The following ADAMTS7 variants were observed in gnomAD, a reference collection of about 807,000 sequenced individuals.
ADAMTS7 encodes ADAM metallopeptidase with thrombospondin type 1 motif 7.
In ADAMTS7, 89 loss-of-function variants were observed where a neutral mutation model predicts 172.6. The ratio of observed to expected loss-of-function variants is 0.52; its 90% CI spans 0.43 to 0.61. The LOEUF (loss-of-function observed/expected upper bound fraction) is 0.61. Among genes scored for constraint, ADAMTS7 ranks in the 20% least tolerant of loss-of-function variants. The pLI is 0.00. For missense variants in ADAMTS7, 1,973 were observed against 2,355.6 expected, an observed-to-expected ratio of 0.84 and a Z score of 3.36; for synonymous variants, 885 against 978.4, an observed-to-expected ratio of 0.90 and a Z score of 1.78.
chr15:78,789,657 T>A (rs757518426), intron 7 of ADAMTS7, 32 bp downstream of exon 7: 11 of 1,611,542 alleles, frequency 6.8e-6, no homozygotes, highest in Non-Finnish European at 9.3e-6. Context: ...GAAGCTCGGC[T>A]CTCAGTGTAG....
In ADAMTS7 at chr15:78,777,476, C is replaced by T. The variant is rs773289537; in HGVS notation, c.1435G>A (p.Gly479Arg). ...TCCTCGCAGAAGGCAGAGTAGGCCCCGTACTGGAGGCGGCACTGGTGGCTT... is the reference window on the plus strand; with the variant it reads ...TCCTCGCAGAAGGCAGAGTAGGCCCTGTACTGGAGGCGGCACTGGTGGCTT... ...DVSHQCRLQY[G>R]AYSAFCEDMD... is the part of the protein sequence containing the mutation. Residue 479 changes from glycine to arginine, a missense_variant, in exon 9 of 24, where the codon GGG becomes AGG. Physicochemically the swap from Gly to Arg is moderately radical, Grantham distance 125 (BLOSUM62 -2). Transcript: ENST00000388820. The T allele has an allele frequency of 6.2e-6, 10 of 1,612,900 alleles. No individual in the cohort carries two copies. The highest frequency in any genetic ancestry group is 5.5e-5 in the South Asian group (5 of 90,782).
intron 4 of ADAMTS7, among the ~76,000 whole-genome samples, chr15:78,792,180 G>A (rs902072914): frequency 2.0e-5 from 3 of 152,214 alleles, no homozygotes; most frequent in Non-Finnish European, 2.9e-5. Context: ...CAGAAATGGG[G>A]AAGATAAACA....
In ADAMTS7 at chr15:78,800,672, C is replaced by T; in HGVS notation, c.101-125G>A. 1.4e-5 allele frequency: 12 copies of T among 852,958 alleles called. No homozygotes were observed. In the South Asian group the frequency reaches 1.8e-4, roughly 13 times the overall value. The allele number at this position is 852,958 out of a possible 1,614,324, so 52.8% of individuals were successfully genotyped here. A position where few individuals can be genotyped will look rare whatever the true frequency, so the allele number is the denominator to read the frequency against. ...GTCAGAGTATCTGGATTCAAATCCT[C>T]GCCGGGCTATCTACTAACTCTGCTA... On this transcript the variant is annotated intron_variant, in intron 1 of 23. Transcript: ENST00000388820.
At position 78,763,940 on chromosome 15, in the gene ADAMTS7, A is replaced by C. The variant is rs1489288701; in HGVS notation, c.4579T>G (p.Ser1527Ala). 2 of 1,548,668 alleles carry C rather than the reference A, an allele frequency of 1.3e-6. No individual in the cohort carries two copies. Among genetic ancestry groups the C allele is most frequent in the Non-Finnish European group, 1.7e-6 (2 of 1,145,894 alleles). ...CCAGGCCTCACCTCCCTCCAGGAAG[A>C]TGTGTACCAGCTGAGGCAGGGCTGG... ...GAQPCLSWYTSSWRECSEACG... is the reference protein window; with the variant it reads ...GAQPCLSWYTASWRECSEACG... The change falls in exon 21 of 24, where the codon TCT becomes GCT. Residue 1527 changes from serine (S) to alanine (A), a missense_variant. Physicochemically the swap from Ser to Ala is moderately conservative, Grantham distance 99. Around this residue, in one of 8 missense-constraint regions of ADAMTS7, gnomAD observed 218 missense variants for 216.9 expected, o/e 1.01. Transcript: ENST00000388820.
At position 78,800,296 on chromosome 15, in the gene ADAMTS7, G is replaced by T. The variant is rs773692249; in HGVS notation, c.352C>A (p.Arg118Ser). 4 of 1,588,042 alleles carry T rather than the reference G, an allele frequency of 2.5e-6. No individual in the cohort carries two copies. The highest frequency in any genetic ancestry group is 3.4e-6 in the Non-Finnish European group (4 of 1,172,754). Reference sequence around the variant, plus strand: ...GGGGTGTGGGCCCGGATGTGCGCGCGGCCCAGGCCGCCGCGCCGCCGCGTC... The same window carrying T: ...GGGGTGTGGGCCCGGATGTGCGCGCTGCCCAGGCCGCCGCGCCGCCGCGTC... ...SETRRRGGLG[R>S]AHIRAHTPAC... The change falls in exon 2 of 24, where the codon CGC (arginine) becomes AGC (serine). Residue 118 changes from arginine to serine, a missense_variant. By Grantham distance (110) the Arg-to-Ser change is moderately radical. This residue lies in a region of ADAMTS7 where 306 missense variants were observed against 288.0 expected (regional missense o/e 1.06). Transcript: ENST00000388820.
chr15:78,771,175 G>A lies in ADAMTS7; in HGVS notation c.2505C>T (p.Val835=). 6.2e-7 allele frequency: 1 copy of A among 1,609,744 alleles called. No homozygotes were observed. Among genetic ancestry groups the A allele is most frequent in the Non-Finnish European group, 8.5e-7 (1 of 1,178,664 alleles). Residue 835 remains valine (V), a synonymous_variant, in exon 16 of 24, where the codon GTC becomes GTT. Transcript: ENST00000388820. This position sits in a 1 kb window ranked among gnomAD's most constrained non-coding sequence, Gnocchi z 4.9. ...WHYGPWTKCT[V]TCGRGVQRQN... is the part of the protein sequence containing the mutation. The stretch of plus-strand genomic sequence containing the variant: ...CCCACTTCTCACCTCTGCCGCAGGT[G>A]ACTGTGCACTTGGTCCAGGGCCCAT...
At chr15:78,794,181 G>C (rs1001789361) in intron 4 of ADAMTS7, among the ~76,000 whole-genome samples, 3 of 152,238 alleles carry the variant, frequency 2.0e-5, no homozygotes, top group Non-Finnish European at 4.4e-5. Flanking sequence ...GGAGGTTGCA[G>C]TGAGCCGAGA....
chr15:78,768,237 G>C lies in ADAMTS7; in HGVS notation c.2541C>G (p.Tyr847Ter). 6.2e-7 allele frequency: 1 copy of C among 1,610,838 alleles called. No homozygotes were observed. The highest frequency in any genetic ancestry group is 1.1e-5 in the South Asian group (1 of 90,948). Reference sequence around the variant, plus strand: ...CGGGCCCTGCCTGCCGCTCCAAGCAGTACACATTCTGCCTCTGCACACCTA... The same window carrying C: ...CGGGCCCTGCCTGCCGCTCCAAGCACTACACATTCTGCCTCTGCACACCTA... The part of the protein sequence containing the change: ...CGRGVQRQNV[Y>*]CLERQAGPVD... The change falls in exon 17 of 24, where the codon TAC becomes TAG. Residue 847 changes from tyrosine to a stop codon, truncating the protein, a stop_gained. Transcript: ENST00000388820. LOFTEE classifies it high-confidence loss of function.
In ADAMTS7 at chr15:78,788,235, G is replaced by A. The variant is rs748260859; in HGVS notation, c.1318C>T (p.Leu440Phe). 2 of 1,613,606 alleles carry A rather than the reference G, an allele frequency of 1.2e-6. No individual in the cohort carries two copies. Among genetic ancestry groups the A allele is most frequent in the South Asian group, 1.1e-5 (1 of 91,046 alleles). The change falls in exon 8 of 24, where the codon CTT becomes TTT. Residue 440 changes from leucine to phenylalanine, a missense_variant. Transcript: ENST00000388820. The stretch of plus-strand genomic sequence containing the variant: ...GCCCAGGGCTGGGGGACTTACTCAA[G>A]GAACCTGGTGATATACTGGCGGCTG... ...RCSRQYITRF[L>F]DRGWGLCLDD...
intron 23 of ADAMTS7, among the ~76,000 whole-genome samples, chr15:78,760,961 G>A (rs556959066): frequency 6.6e-6 from 1 of 152,212 alleles, no homozygotes; most frequent in South Asian, 2.1e-4. Context: ...TGCCCCATCT[G>A]GTCCTCCCCC....
At position 78,767,505 on chromosome 15, in the gene ADAMTS7, C is replaced by T. The variant is rs1212828295; in HGVS notation, c.2733G>A (p.Val911=). 1 of 1,609,136 alleles carries T rather than the reference C, an allele frequency of 6.2e-7. No homozygotes were observed. Among genetic ancestry groups the T allele is most frequent in the Admixed American group, 1.7e-5 (1 of 59,650 alleles). ...CCAGGGCGCTCTGCTCATCCAGCCC[C>T]ACGCTGCGGATGCAGAGCACGGCCC... ...SRRAVLCIRS[V]GLDEQSALEP... is the part of the protein sequence containing the mutation. Residue 911 remains valine (V), a synonymous_variant, in exon 18 of 24, where the codon GTG becomes GTA. Transcript: ENST00000388820.
At chr15:78,778,096 A>C (rs12907764) in intron 8 of ADAMTS7, among the ~76,000 whole-genome samples, 1 of 151,788 alleles carries the variant, frequency 6.6e-6, no homozygotes, top group Admixed American at 6.6e-5. Context: ...GCCCAGGGCA[A>C]CCATGCCTGT....
At chr15:78,783,362 C>T (rs1287854940) in intron 8 of ADAMTS7, among the ~76,000 whole-genome samples, 2 of 152,168 alleles carry the variant, frequency 1.3e-5, no homozygotes, top group Non-Finnish European at 1.5e-5. Flanking sequence ...CTCTGCCTCC[C>T]GGGTTCAAGC....
chr15:78,798,014 G>A lies in ADAMTS7; in HGVS notation c.556C>T (p.Arg186Cys), dbSNP rs758619417. ...GHAQPHVVYK[R>C]QAPERLAQRG... ...TGTGCCAGCCTCTCCGGGGCCTGAC[G>A]CTTGTACACCACATGGGGCTGGGCG... is the stretch of plus-strand genomic sequence containing the variant. Residue 186 changes from arginine to cysteine, a missense_variant, in exon 3 of 24, where the codon CGT (arginine) becomes TGT (cysteine). Transcript: ENST00000388820. 2.3e-5 allele frequency: 36 copies of A among 1,582,828 alleles called. No homozygotes were observed. Among genetic ancestry groups the A allele is most frequent in the Admixed American group, 9.5e-5 (5 of 52,732 alleles).
Position 78,777,447 on chromosome 15 carries a change from C to A in ADAMTS7, c.1464G>T (p.Met488Ile). The A allele has an allele frequency of 6.2e-7, 1 of 1,612,372 alleles. No individual in the cohort carries two copies. Among genetic ancestry groups the A allele is most frequent in the Non-Finnish European group, 8.5e-7 (1 of 1,179,468 alleles). ...CACCCACACCGGCCCCACTCACATC[C>A]ATGTCCTCGCAGAAGGCAGAGTAGG... ...YGAYSAFCEDMDNVCHTLWCS... is the reference protein window; with the variant it reads ...YGAYSAFCEDIDNVCHTLWCS... Residue 488 changes from methionine to isoleucine, a missense_variant, in exon 9 of 24, where the codon ATG becomes ATT. By Grantham distance (10) the Met-to-Ile change is conservative. This residue lies in a region of ADAMTS7 where 526 missense variants were observed against 662.9 expected (regional missense o/e 0.79). Transcript: ENST00000388820.
chr15:78,768,324 A>T, intron 16 of ADAMTS7, 65 bp from the exon 17 acceptor site: 1 of 1,600,938 alleles, frequency 6.2e-7, no homozygotes, highest in East Asian at 2.2e-5. Flanking sequence ...ACCCAAAGAC[A>T]CCCTCTCTGC....
Position 78,771,766 on chromosome 15 carries a change from T to G in ADAMTS7, c.2195A>C (p.Glu732Ala). 6.2e-7 allele frequency: 1 copy of G among 1,612,642 alleles called. No individual in the cohort carries two copies. Among genetic ancestry groups the G allele is most frequent in the Non-Finnish European group, 8.5e-7 (1 of 1,180,002 alleles). The change falls in exon 15 of 24, where the codon GAG becomes GCG. Residue 732 changes from glutamate (E) to alanine (A), a missense_variant. Glu to Ala is a moderately radical substitution (Grantham distance 107). Coordinates refer to ENST00000388820, the MANE Select transcript of ADAMTS7 (RefSeq NM_014272.5). This position sits in a 1 kb window ranked among gnomAD's most constrained non-coding sequence, Gnocchi z 4.9. ...AREIRIQEVA[E>A]AANFLALRSE... ...CCGCAGTGCCAGGAAGTTGGCAGCC[T>G]CGGCAACCTCTTGGATGCGGATCTC...
At chr15:78,764,269 T>A (rs2055102823) in intron 20 of ADAMTS7, among the ~76,000 whole-genome samples, 170 bp from the exon 21 acceptor site, 1 of 152,076 alleles carries the variant, frequency 6.6e-6, no homozygotes, top group Admixed American at 6.5e-5. Flanking sequence ...AAAGGTGGCA[T>A]GGCCAGGGGC....
At position 78,789,623 on chromosome 15, in the gene ADAMTS7, C is replaced by T. The variant is rs2055550158; in HGVS notation, c.1178+66G>A. On this transcript the variant is annotated intron_variant, in intron 7 of 23. Transcript: ENST00000388820. ...ACTTTGTGACCCACAGGCTGGATAC[C>T]CGGTGCCCCCAGGCTGCGAGGGTGA... 71 of 1,587,736 alleles carry T rather than the reference C, an allele frequency of 4.5e-5. No individual in the cohort carries two copies. The South Asian group carries it at 7.9e-4, about 18-fold the overall frequency.
Sources: gnomAD v4.1 joint callset for allele counts (sites outside exome capture counted in the v4.1 genomes callset) on GRCh38, gnomAD v4.1.1 for gene constraint, gnomAD v4.1.1 regional missense constraint, Gnocchi (gnomAD v3.1) non-coding constraint, MANE v1.5 for transcripts, NCBI Gene and HGNC (gene_info 2026-07-23, HGNC 2026-07-21) for gene names.